Variants in CDH9 observed in about 807,000 individuals in gnomAD.
CDH9 encodes cadherin-9.
CDH9 carries 28 observed loss-of-function variants against 70.9 expected under a neutral mutation model. That is an observed-to-expected ratio of 0.40 (90% CI 0.29 to 0.54). CDH9 has a LOEUF of 0.54. CDH9 is among the 20% of genes least tolerant of loss of function. The probability of loss-of-function intolerance (pLI) is 0.59; values close to 1 mark genes in which losing one functional copy is unlikely to be tolerated. For missense variants in CDH9, 874 were observed against 984.4 expected, an observed-to-expected ratio of 0.89 and a Z score of 1.50; for synonymous variants, 409 against 343.1, an observed-to-expected ratio of 1.19 and a Z score of -2.12.
chr5:27,014,372 A>G (rs1743010331), intron 1 of CDH9, among the ~76,000 whole-genome samples: 1 of 151,872 alleles, frequency 6.6e-6, no homozygotes. Flanking sequence ...GCAGGAAGTT[A>G]ATGCACCGAA....
At chr5:26,963,177 G>A (rs1469378278) in intron 2 of CDH9, among the ~76,000 whole-genome samples, 1 of 152,134 alleles carries the variant, frequency 6.6e-6, no homozygotes, top group African/African-American at 2.4e-5. Flanking sequence ...AATAAAACAT[G>A]CATTTAGACC....
chr5:27,015,477 A>T (rs116042547), intron 1 of CDH9, among the ~76,000 whole-genome samples: 2,763 of 151,862 alleles, frequency 0.018, 45 homozygotes, highest in Middle Eastern at 0.044. Flanking sequence ...TTTTTTTCCT[A>T]TGTATTTAGC....
At chr5:26,984,272 C>T (rs1742453494) in intron 2 of CDH9, among the ~76,000 whole-genome samples, 1 of 152,066 alleles carries the variant, frequency 6.6e-6, no homozygotes, top group African/African-American at 2.4e-5. Context: ...ACGTTCCTTG[C>T]TCTGCACAAA....
chr5:27,016,904 T>C (rs1743055622), intron 1 of CDH9, among the ~76,000 whole-genome samples: 2 of 151,918 alleles, frequency 1.3e-5, no homozygotes, highest in South Asian at 4.1e-4. Context: ...TGTGTCCATA[T>C]CACTTGGAGC....
rs140634286 is a variant in CDH9, at chr5:26,897,789, A to G, written c.1253+4687T>C. On this transcript the variant is annotated intron_variant, in intron 7 of 11. Coordinates refer to ENST00000231021, the MANE Select transcript of CDH9 (RefSeq NM_016279.4). ...AAGGATGTCCTCTCTCACCACTCCT[A>G]TTCATTCAACATAGTATTGGAAGTT... 1.0e-2 allele frequency among the ~76,000 whole-genome samples: 1,520 copies of G among 152,164 alleles called. 91 individuals are homozygous for G. Among genetic ancestry groups the G allele is most frequent in the Admixed American group, 0.089 (1,359 of 15,268 alleles).
intron 2 of CDH9, among the ~76,000 whole-genome samples, chr5:26,954,388 C>CTTTTTTTCTT (rs1554000193): frequency 2.1e-5 from 2 of 93,066 alleles, no homozygotes; most frequent in African/African-American, 9.4e-5. Context: ...TACAGCCTTT[C>CTTTTTTTCTT]TTTTTTTTTT....
chr5:26,895,240 C>G (rs1290243290), intron 7 of CDH9, among the ~76,000 whole-genome samples: 2 of 151,886 alleles, frequency 1.3e-5, no homozygotes, highest in Admixed American at 6.6e-5. Flanking sequence ...CATTATCCCT[C>G]AAAAATGAAT....
At chr5:26,903,600 A>G in intron 6 of CDH9, 37 bp downstream of exon 6, 4 of 1,331,910 alleles carry the variant, frequency 3.0e-6, no homozygotes, top group Non-Finnish European at 1.1e-6. Flanking sequence ...TAAATTATAA[A>G]GCACTCAATG....
intron 2 of CDH9, among the ~76,000 whole-genome samples, chr5:26,951,833 GGTT>G (rs910572771): frequency 5.7e-4 from 86 of 152,212 alleles, no homozygotes; most frequent in African/African-American, 2.0e-3. Context: ...GATATCCTCA[GGTT>G]GTTTTCACAG....
chr5:26,938,528 T>G (rs976616821), intron 2 of CDH9, among the ~76,000 whole-genome samples: 2 of 152,068 alleles, frequency 1.3e-5, no homozygotes, highest in African/African-American at 4.8e-5. Context: ...TATTGTAATT[T>G]GAAGCAAAAA....
rs564866789 is a variant in CDH9, at chr5:26,973,051, A to T, written c.228+15055T>A. Among the ~76,000 whole-genome samples, 12 of 152,152 alleles carry T rather than the reference A, an allele frequency of 7.9e-5. No homozygotes were observed. The South Asian group carries it at 2.5e-3, about 32-fold the overall frequency. ...GCTAATTTTTGTATTTTTAGTAGAG[A>T]TGGGGTTTCACCATGTTGACCAGGC... On this transcript the variant is annotated intron_variant, in intron 2 of 11. Transcript: ENST00000231021.
chr5:27,027,566 T>G (rs1389406974), intron 1 of CDH9, among the ~76,000 whole-genome samples: 1 of 152,048 alleles, frequency 6.6e-6, no homozygotes, highest in Non-Finnish European at 1.5e-5. Flanking sequence ...CCCAAGGCAT[T>G]AGAAGACTTT....
At chr5:26,967,002 A>G (rs1742140177) in intron 2 of CDH9, among the ~76,000 whole-genome samples, 1 of 152,118 alleles carries the variant, frequency 6.6e-6, no homozygotes, top group African/African-American at 2.4e-5. Context: ...GTGAGATCAC[A>G]GCTCGTTGCA....
chr5:27,022,938 C>T (rs1035481648), intron 1 of CDH9, among the ~76,000 whole-genome samples: 34 of 148,652 alleles, frequency 2.3e-4, no homozygotes, highest in Admixed American at 4.7e-4. Context: ...TTGTATTGTT[C>T]TTTTTTTTTT....
intron 1 of CDH9, among the ~76,000 whole-genome samples, chr5:27,000,918 T>C (rs931246548): frequency 3.3e-5 from 5 of 152,202 alleles, no homozygotes; most frequent in Admixed American, 1.3e-4. Context: ...GGCAAAACTT[T>C]GCATATAGTA....
intron 9 of CDH9, 103 bp downstream of exon 9, chr5:26,889,733 C>G: frequency 1.5e-6 from 1 of 647,790 alleles, no homozygotes; most frequent in Non-Finnish European, 2.6e-6. Flanking sequence ...GAAGTATTGA[C>G]AACAGCCTGC....
At chr5:26,944,891 C>T (rs917333840) in intron 2 of CDH9, among the ~76,000 whole-genome samples, 3 of 151,904 alleles carry the variant, frequency 2.0e-5, no homozygotes, top group Non-Finnish European at 2.9e-5. Context: ...AATAGTGAAA[C>T]AAAATTATAT....
chr5:26,982,010 C>T (rs1362889995), intron 2 of CDH9, among the ~76,000 whole-genome samples: 4 of 151,944 alleles, frequency 2.6e-5, no homozygotes, highest in Non-Finnish European at 5.9e-5. Flanking sequence ...CTCTCCATAC[C>T]CTTCTGAAGA....
chr5:26,899,936 T>C (rs1261137295), intron 7 of CDH9, among the ~76,000 whole-genome samples: 3 of 150,248 alleles, frequency 2.0e-5, no homozygotes, highest in Admixed American at 6.6e-5. Flanking sequence ...TTTGAGAAAA[T>C]AAATAAATTT....
Sources: allele counts gnomAD v4.1 joint callset (sites outside exome capture counted in the v4.1 genomes callset), GRCh38; gene constraint gnomAD v4.1.1; transcripts MANE v1.5; gene names NCBI Gene and HGNC (gene_info 2026-07-23, HGNC 2026-07-21).